MYO7A: variants seen among roughly 807,000 people sequenced by gnomAD.
MYO7A encodes myosin VIIA, also known as unconventional myosin-VIIa.
A neutral mutation model predicts 263.8 loss-of-function variants in MYO7A; 210 were observed. The ratio of observed to expected loss-of-function variants is 0.80; its 90% CI spans 0.71 to 0.89. The LOEUF (loss-of-function observed/expected upper bound fraction) is 0.89, where lower values mean the gene tolerates loss of function less well. Among genes scored for constraint, MYO7A ranks in the 40% least tolerant of loss-of-function variants. The pLI is 0.00. For synonymous variants in MYO7A, 1,239 were observed against 1,197.3 expected, an observed-to-expected ratio of 1.03 and a Z score of -0.72; for missense variants, 2,820 against 2,968.3, an observed-to-expected ratio of 0.95 and a Z score of 1.16.
At chr11:77,170,884 A>G (rs1954027018) in intron 15 of MYO7A, among the ~76,000 whole-genome samples, 1 of 152,158 alleles carries the variant, frequency 6.6e-6, no homozygotes, top group Admixed American at 6.5e-5. Context: ...ATTTGCGGAT[A>G]TATTAGATGT....
intron 12 of MYO7A, among the ~76,000 whole-genome samples, chr11:77,161,671 C>T (rs949982206): frequency 3.9e-5 from 6 of 152,222 alleles, no homozygotes; most frequent in African/African-American, 9.6e-5. Flanking sequence ...GTCCGTGGCT[C>T]GGCCATGTCT....
intron 22 of MYO7A, 29 bp downstream of exon 22, chr11:77,180,510 G>T: frequency 6.3e-7 from 1 of 1,588,856 alleles, no homozygotes; most frequent in South Asian, 1.1e-5. Flanking sequence ...GGCACCTTAG[G>T]TGTCCACTTG....
intron 22 of MYO7A, 101 bp downstream of exon 22, chr11:77,180,582 C>T: frequency 9.4e-7 from 1 of 1,064,784 alleles, no homozygotes; most frequent in South Asian, 1.5e-5. Context: ...AGCCTTCCTT[C>T]CATCCTTCAG....
At chr11:77,153,331 G>T (rs965506041) in intron 4 of MYO7A, among the ~76,000 whole-genome samples, 1 of 152,102 alleles carries the variant, frequency 6.6e-6, no homozygotes, top group Non-Finnish European at 1.5e-5. Flanking sequence ...AGTTGGGAAG[G>T]CTGGAGAGAG....
At chr11:77,163,143 G>T (rs782302822) in intron 14 of MYO7A, among the ~76,000 whole-genome samples, 155 bp downstream of exon 14, 13 of 152,054 alleles carry the variant, frequency 8.5e-5, no homozygotes, top group Admixed American at 3.3e-4. Flanking sequence ...ATGGCCAAGT[G>T]TTGGATTCAG....
Position 77,179,819 on chromosome 11 carries a change from A to T in MYO7A, c.2452A>T (p.Ile818Phe), listed in dbSNP as rs374547580. 6.5e-7 allele frequency: 1 copy of T among 1,546,528 alleles called. No individual in the cohort carries two copies. Among genetic ancestry groups the T allele is most frequent in the Admixed American group, 1.9e-5 (1 of 51,420 alleles). The change falls in exon 21 of 49, where the codon ATC (isoleucine) becomes TTC (phenylalanine). Residue 818 changes from isoleucine (I) to phenylalanine (F), a missense_variant. Coordinates refer to ENST00000409709, the MANE Select transcript of MYO7A (RefSeq NM_000260.4). ...QQYRLARQRIIQFQARCRAYL... is the reference protein window; with the variant it reads ...QQYRLARQRIFQFQARCRAYL... ...GTACCGCCTGGCCCGCCAGCGCATC[A>T]TCCAGTTCCAGGCCCGCTGCCGCGC...
chr11:77,181,259 C>T (rs1167048549), intron 22 of MYO7A, 121 bp from the exon 23 acceptor site: 33 of 837,510 alleles, frequency 3.9e-5, no homozygotes, highest in African/African-American at 2.2e-4. Context: ...TTCTTCCCAG[C>T]GGTCAGGAGG....
rs1459288478 is a variant in MYO7A, at chr11:77,204,227, C to T, written c.5478C>T (p.Ile1826=). The change falls in exon 39 of 49, where the codon ATC becomes ATT. Residue 1826 remains isoleucine (I), a splice_region_variant and synonymous_variant. Coordinates refer to ENST00000409709, the MANE Select transcript of MYO7A (RefSeq NM_000260.4). ...QILKQLTDNH[I]RYSEERGWEL... ...TGAAGCAGCTGACCGACAACCACAT[C>T]AGGTGAGCCAGGCACAGTGGGCGGA... is the stretch of plus-strand genomic sequence containing the variant. The T allele has an allele frequency of 6.4e-7, 1 of 1,569,306 alleles. No homozygotes were observed. Among genetic ancestry groups the T allele is most frequent in the African/African-American group, 1.4e-5 (1 of 73,838 alleles).
At chr11:77,191,597 C>A (rs1206425770) in intron 30 of MYO7A, among the ~76,000 whole-genome samples, 2 of 152,180 alleles carry the variant, frequency 1.3e-5, no homozygotes, top group African/African-American at 2.4e-5. Flanking sequence ...GTGGGCGTCC[C>A]GCAGACTCAC....
intron 12 of MYO7A, among the ~76,000 whole-genome samples, chr11:77,161,418 C>T (rs969894800): frequency 4.6e-5 from 7 of 152,194 alleles, no homozygotes; most frequent in Admixed American, 1.3e-4. Context: ...TGCTGCAAGG[C>T]GCCTCAAAGC....
At chr11:77,169,832 T>A (rs1292459681) in intron 15 of MYO7A, among the ~76,000 whole-genome samples, 1 of 152,040 alleles carries the variant, frequency 6.6e-6, no homozygotes, top group African/African-American at 2.4e-5. Context: ...TTCCAAAACT[T>A]TGGGAGGCCG....
chr11:77,145,635 TG>T (rs1951507913), intron 3 of MYO7A, among the ~76,000 whole-genome samples: 1 of 152,134 alleles, frequency 6.6e-6, no homozygotes. Flanking sequence ...ATAGGGTGCC[TG>T]GGAGAGAGGA....
At chr11:77,134,134 C>T (rs7103839) in intron 2 of MYO7A, among the ~76,000 whole-genome samples, 17,125 of 152,106 alleles carry the variant, frequency 0.11, 1,069 homozygotes, top group Middle Eastern at 0.26. Flanking sequence ...TTTCACCATG[C>T]TGGTCAGGCT....
Position 77,202,332 on chromosome 11 carries a change from G to T in MYO7A, c.5076G>T (p.Gln1692His), listed in dbSNP as rs1957120415. Residue 1692 changes from glutamine (Q) to histidine (H), a missense_variant, in exon 37 of 49, where the codon CAG becomes CAT. Gln to His is a conservative substitution (Grantham distance 24). Transcript: ENST00000409709. Reference protein sequence around the residue: ...ALVTMTPDQRQDVVRLLQLRT... With the variant: ...ALVTMTPDQRHDVVRLLQLRT... ...TCACCATGACTCCCGATCAGAGGCA[G>T]GACGTTGTCCGGCTCTTGCAGCTGC... 1.3e-6 allele frequency: 2 copies of T among 1,584,156 alleles called. No individual in the cohort carries two copies. The highest frequency in any genetic ancestry group is 1.3e-5 in the African/African-American group (1 of 74,438).
At chr11:77,162,819 A>T (rs1565359934) in intron 13 of MYO7A, 34 bp from the exon 14 acceptor site, 1 of 1,598,226 alleles carries the variant, frequency 6.3e-7, no homozygotes, top group East Asian at 2.3e-5. Context: ...CATGGAGGAG[A>T]GGGTGGGCTC....
chr11:77,200,161 T>C (rs1485540100), intron 35 of MYO7A, among the ~76,000 whole-genome samples: 1 of 151,974 alleles, frequency 6.6e-6, no homozygotes, highest in African/African-American at 2.4e-5. Flanking sequence ...GTCATAGCTC[T>C]TCAGGAGGCT....
chr11:77,130,595 G>A lies in MYO7A; in HGVS notation c.-40G>A. ...ATGGTCTCTCTCCCTGCAGAACTGT[G>A]CCTGGCCCAGTGGGCAGCAGGAGCT... On this transcript the variant is annotated 5_prime_UTR_variant, in exon 2 of 49. Transcript: ENST00000409709. 4 of 1,611,254 alleles carry A rather than the reference G, an allele frequency of 2.5e-6. No homozygotes were observed. Among genetic ancestry groups the A allele is most frequent in the East Asian group, 2.2e-5 (1 of 44,816 alleles).
rs192378328 is a variant in MYO7A at position 77,156,822 on chromosome 11, G to A, written c.593-40G>A. The A allele has an allele frequency of 4.7e-4, 755 of 1,613,940 alleles. 2 individuals carry two copies. The African/African-American group carries it at 8.2e-3, about 17-fold the overall frequency. ...CGAGGGTGGGACCAGGCAGTGGGGCGGGAGCGGGCTTTGCCAGTGACACCC... is the reference window on the plus strand; with the variant it reads ...CGAGGGTGGGACCAGGCAGTGGGGCAGGAGCGGGCTTTGCCAGTGACACCC... On this transcript the variant is annotated intron_variant, in intron 6 of 48. Coordinates refer to ENST00000409709, the MANE Select transcript of MYO7A (RefSeq NM_000260.4).
At chr11:77,144,850 C>G (rs1349716209) in intron 3 of MYO7A, among the ~76,000 whole-genome samples, 1 of 152,192 alleles carries the variant, frequency 6.6e-6, no homozygotes. Context: ...CCAGATACAC[C>G]CCTCCTTCCC....
Sources: gnomAD v4.1 joint callset for allele counts (sites outside exome capture counted in the v4.1 genomes callset) on GRCh38, gnomAD v4.1.1 for gene constraint, MANE v1.5 for transcripts, NCBI Gene and HGNC (gene_info 2026-07-23, HGNC 2026-07-21) for gene names.